The following ATXN3 variants were observed in gnomAD, a reference collection of about 807,000 sequenced individuals.
The protein encoded by ATXN3 is ataxin-3.
In ATXN3, 28 loss-of-function variants were observed where a neutral mutation model predicts 58.2. The ratio of observed to expected loss-of-function variants is 0.48; its 90% CI spans 0.36 to 0.66. The LOEUF is 0.66. Ranked by LOEUF, ATXN3 falls within the 30% of genes least tolerant of loss-of-function variation. The pLI, the probability that ATXN3 is intolerant of heterozygous loss-of-function variation, is 0.00. For missense variants in ATXN3, 321 were observed against 422.1 expected (o/e 0.76, Z 2.10); for synonymous variants, 113 against 138.5 (o/e 0.82, Z 1.29).
At chr14:92,067,429 C>T (rs2058641471) in intron 10 of ATXN3, among the ~76,000 whole-genome samples, 1 of 152,212 alleles carries the variant, frequency 6.6e-6, no homozygotes, top group South Asian at 2.1e-4. Flanking sequence ...TGGAGTCTTG[C>T]TCTGTTGCCC....
chr14:92,050,345 T>C (rs1445566609), upstream of ATXN3: 1 of 152,208 alleles, frequency 6.6e-6, no homozygotes, highest in African/African-American at 2.4e-5. Context: ...ACATACAAGT[T>C]TGATAGCATT....
chr14:92,097,984 C>T (rs1381166477), intron 1 of ATXN3, among the ~76,000 whole-genome samples: 1 of 152,134 alleles, frequency 6.6e-6, no homozygotes, highest in Non-Finnish European at 1.5e-5. Flanking sequence ...TTTAAACAAA[C>T]ATCATCTATC....
intron 8 of ATXN3, among the ~76,000 whole-genome samples, chr14:92,081,389 C>T (rs10143213): frequency 0.3 from 42,997 of 145,736 alleles, 6,567 homozygotes; most frequent in East Asian, 0.46. Flanking sequence ...AGGAGAATCG[C>T]TTGAACCTCG....
In ATXN3 at chr14:92,082,406, G is replaced by A. The variant is rs371037244; in HGVS notation, c.669C>T (p.Asp223=). The A allele has an allele frequency of 1.8e-5, 29 of 1,613,966 alleles. No homozygotes were observed. Among genetic ancestry groups the A allele is most frequent in the Admixed American group, 8.3e-5 (5 of 59,988 alleles). The change falls in exon 8 of 11, where the codon GAC becomes GAT. Residue 223 remains aspartate, a synonymous_variant. Transcript: ENST00000644486. The part of the protein sequence containing the change: ...LEANDGSGML[D]EDEEDLQRAL... ...CCCTCTGCAAATCCTCCTCATCTTCGTCTAACATTCCTGAGCCATCATTTG... is the reference window on the plus strand; with the variant it reads ...CCCTCTGCAAATCCTCCTCATCTTCATCTAACATTCCTGAGCCATCATTTG...
At chr14:92,083,032 C>A in intron 7 of ATXN3, 94 bp downstream of exon 7, 1 of 1,438,312 alleles carries the variant, frequency 7.0e-7, no homozygotes, top group Non-Finnish European at 9.3e-7. Flanking sequence ...GAGTCGCCAA[C>A]AACACAAGGA....
intron 5 of ATXN3, among the ~76,000 whole-genome samples, chr14:92,089,541 T>C (rs1360410505): frequency 1.3e-5 from 2 of 151,846 alleles, no homozygotes; most frequent in African/African-American, 4.8e-5. Flanking sequence ...GGTTTCACCA[T>C]GTTAGCCAGG....
intron 6 of ATXN3, among the ~76,000 whole-genome samples, chr14:92,087,124 G>A (rs897162327): frequency 6.6e-6 from 1 of 152,196 alleles, no homozygotes; most frequent in Non-Finnish European, 1.5e-5. Context: ...CATAAGCTGT[G>A]AAATTAGTCA....
chr14:92,093,399 T>C (rs1295636098), intron 4 of ATXN3, 81 bp from the exon 5 acceptor site: 20 of 745,696 alleles, frequency 2.7e-5, no homozygotes, highest in Non-Finnish European at 4.3e-5. Flanking sequence ...TATATAAAAT[T>C]TGTGATAATT....
chr14:92,079,745 C>CT (rs939936684), intron 9 of ATXN3, among the ~76,000 whole-genome samples: 6 of 151,308 alleles, frequency 4.0e-5, no homozygotes, highest in East Asian at 3.9e-4. Context: ...TTTTCTTTCT[C>CT]TTTTTTTTTG....
intron 9 of ATXN3, among the ~76,000 whole-genome samples, chr14:92,071,864 T>C (rs1484214506): frequency 2.6e-5 from 4 of 152,178 alleles, no homozygotes; most frequent in Admixed American, 2.0e-4. Context: ...CCACCTGACA[T>C]TCCCATTATT....
At chr14:92,078,211 T>C (rs544947224) in intron 9 of ATXN3, among the ~76,000 whole-genome samples, 1 of 152,174 alleles carries the variant, frequency 6.6e-6, no homozygotes, top group East Asian at 1.9e-4. Context: ...CTGACCCTCC[T>C]GACCTCAGGT....
chr14:92,093,345 C>G, intron 4 of ATXN3, 27 bp from the exon 5 acceptor site: 1 of 1,118,852 alleles, frequency 8.9e-7, no homozygotes, highest in Non-Finnish European at 1.3e-6. Flanking sequence ...ACAATATTAA[C>G]TTGAAATATT....
At position 92,059,662 on chromosome 14, in the gene ATXN3, A is replaced by C. The variant is rs1015771885; in HGVS notation, c.*4658T>G. The stretch of plus-strand genomic sequence containing the variant: ...TAAAAGCCCGTCTCTACTAAAAAAA[A>C]CAAATATTCGCCAGGTGTAGTGGCA... On this transcript the variant is annotated 3_prime_UTR_variant, in exon 11 of 11. Coordinates refer to ENST00000644486, the MANE Select transcript of ATXN3 (RefSeq NM_004993.6). The C allele has an allele frequency of 5.3e-5, 8 of 151,476 alleles. No individual in the cohort carries two copies. The highest frequency in any genetic ancestry group is 2.0e-4 in the Admixed American group (3 of 15,218). The allele number at this position is 151,476 out of a possible 1,614,324, so 9.4% of individuals were successfully genotyped here.
chr14:92,103,557 TC>T (rs1350355218), intron 1 of ATXN3, among the ~76,000 whole-genome samples: 7 of 152,178 alleles, frequency 4.6e-5, no homozygotes, highest in African/African-American at 1.7e-4. Flanking sequence ...CACCTCAGCC[TC>T]CCAAGTCTAC....
chr14:92,080,286 C>T (rs572629561), intron 9 of ATXN3, among the ~76,000 whole-genome samples: 106 of 152,216 alleles, frequency 7.0e-4, no homozygotes, highest in African/African-American at 2.4e-3. Flanking sequence ...TGGGAATGCG[C>T]TCCCATACCT....
chr14:92,057,443 G>A (rs1255737742), downstream of ATXN3, among the ~76,000 whole-genome samples: 1 of 143,972 alleles, frequency 6.9e-6, no homozygotes, highest in Non-Finnish European at 1.5e-5. Flanking sequence ...GGGAGGGGGC[G>A]CGGGGGTGGA....
At chr14:92,091,164 C>A (rs1421467140) in intron 5 of ATXN3, among the ~76,000 whole-genome samples, 1 of 151,936 alleles carries the variant, frequency 6.6e-6, no homozygotes, top group African/African-American at 2.4e-5. Context: ...AAAGAACCAA[C>A]TTAGGGCTCG....
chr14:92,060,267 TATA>T lies in ATXN3; in HGVS notation c.*4050_*4052del, dbSNP rs371762976. The T allele has an allele frequency of 0.14, 15,067 of 110,794 alleles. 908 individuals carry two copies. Among genetic ancestry groups the T allele is most frequent in the African/African-American group, 0.19 (5,061 of 27,226 alleles). 6.9% of individuals were successfully genotyped at this position (110,794 alleles called of 1,614,324 possible). On this transcript the variant is annotated 3_prime_UTR_variant, in exon 11 of 11. Coordinates refer to ENST00000644486, the MANE Select transcript of ATXN3 (RefSeq NM_004993.6). The stretch of plus-strand genomic sequence containing the variant: ...ATACACACATATATATATATATATA[TATA>T]TTTTTTTTTTTCAGAAACAGTGTCT...
upstream of ATXN3, among the ~76,000 whole-genome samples, chr14:92,052,380 C>T (rs534345720): frequency 1.2e-4 from 18 of 151,626 alleles, no homozygotes; most frequent in South Asian, 3.3e-3. Context: ...CTCAGCTGCT[C>T]GGGAGGCTGA....
Sources: allele counts gnomAD v4.1 joint callset (sites outside exome capture counted in the v4.1 genomes callset), GRCh38; gene constraint gnomAD v4.1.1; transcripts MANE v1.5; gene names NCBI Gene and HGNC (gene_info 2026-07-23, HGNC 2026-07-21).